Variants in DLG2 observed in about 807,000 individuals in gnomAD.
DLG2 encodes disks large homolog 2.
A neutral mutation model predicts 132.5 loss-of-function variants in DLG2; 45 were observed. That is an observed-to-expected ratio of 0.34 (90% CI 0.27 to 0.44). The LOEUF (loss-of-function observed/expected upper bound fraction) is 0.44, where lower values mean the gene tolerates loss of function less well. Among genes scored for constraint, DLG2 ranks in the 20% least tolerant of loss-of-function variants. The pLI, the probability that DLG2 is intolerant of heterozygous loss-of-function variation, is 1.00. For synonymous variants in DLG2, 424 were observed against 419.6 expected, an observed-to-expected ratio of 1.01 and a Z score of -0.13; for missense variants, 1,045 against 1,196.9, an observed-to-expected ratio of 0.87 and a Z score of 1.87.
At chr11:84,052,388 T>G (rs1213599476) in intron 11 of DLG2, among the ~76,000 whole-genome samples, 2 of 151,878 alleles carry the variant, frequency 1.3e-5, no homozygotes, top group Non-Finnish European at 2.9e-5. Context: ...GTCAATTCAT[T>G]AATTCAACAA....
intron 18 of DLG2, among the ~76,000 whole-genome samples, chr11:83,736,597 CAG>C (rs1474208704): frequency 6.6e-6 from 1 of 152,144 alleles, no homozygotes; most frequent in African/African-American, 2.4e-5. Flanking sequence ...ATAAATAAAA[CAG>C]AGGCCAAAAC....
At chr11:84,434,039 G>C (rs1013740218) in intron 7 of DLG2, among the ~76,000 whole-genome samples, 1 of 150,496 alleles carries the variant, frequency 6.6e-6, no homozygotes, top group African/African-American at 2.5e-5. Flanking sequence ...GATCACCTGA[G>C]TCTGGAGAGG....
At chr11:85,538,756 T>A (rs2075774680) in intron 3 of DLG2, among the ~76,000 whole-genome samples, 1 of 151,738 alleles carries the variant, frequency 6.6e-6, no homozygotes, top group African/African-American at 2.4e-5. Flanking sequence ...AACCAAATAC[T>A]GCATGTTCTC....
At chr11:83,817,196 G>C (rs1381549484) in intron 17 of DLG2, among the ~76,000 whole-genome samples, 5 of 152,184 alleles carry the variant, frequency 3.3e-5, no homozygotes, top group Non-Finnish European at 7.3e-5. Context: ...GCTGTCATAG[G>C]AAGAGTATGG....
chr11:84,714,940 T>C (rs556450651), intron 6 of DLG2, among the ~76,000 whole-genome samples: 1 of 152,162 alleles, frequency 6.6e-6, no homozygotes, highest in East Asian at 1.9e-4. Flanking sequence ...TTTTCTTCCA[T>C]TTTAACCTTC....
At chr11:84,251,357 T>G (rs1043904179) in intron 7 of DLG2, 66 bp from the exon 8 acceptor site, 36 of 1,233,128 alleles carry the variant, frequency 2.9e-5, no homozygotes, top group Non-Finnish European at 3.9e-5. Flanking sequence ...TTATTTCTGT[T>G]AACTTATTTA....
chr11:84,784,307 C>T (rs1048292750), intron 6 of DLG2, among the ~76,000 whole-genome samples: 6 of 142,420 alleles, frequency 4.2e-5, no homozygotes, highest in African/African-American at 1.3e-4. Flanking sequence ...GCAACAAGAG[C>T]GAAACTCCAC....
chr11:83,593,771 G>A (rs916485621), intron 19 of DLG2, among the ~76,000 whole-genome samples: 26 of 146,222 alleles, frequency 1.8e-4, no homozygotes, highest in African/African-American at 4.8e-4. Context: ...GTAAAAACAC[G>A]AACATAAAAT....
intron 6 of DLG2, among the ~76,000 whole-genome samples, chr11:84,920,616 T>G (rs567418601): frequency 4.0e-4 from 61 of 152,296 alleles, no homozygotes; most frequent in African/African-American, 1.4e-3. Context: ...TTTCCAAGAC[T>G]CTAACATAGT....
intron 6 of DLG2, among the ~76,000 whole-genome samples, chr11:84,542,923 C>CCTTTAATAAGA (rs1555018216): frequency 6.7e-6 from 1 of 150,056 alleles, no homozygotes; most frequent in Admixed American, 6.6e-5. Context: ...TTAGGGATTT[C>CCTTTAATAAGA]TGCAGTCTGT....
rs192706652 is a variant in DLG2, at chr11:84,712,110, A to G, written c.358-177379T>C. Among the ~76,000 whole-genome samples the G allele has an allele frequency of 2.3e-3, 346 of 152,228 alleles. 2 individuals carry two copies. The highest frequency in any genetic ancestry group is 2.0e-3 in the Non-Finnish European group (138 of 67,984). On this transcript the variant is annotated intron_variant, in intron 6 of 27. Coordinates refer to ENST00000376104, the MANE Select transcript of DLG2 (RefSeq NM_001142699.3). ...AAAAGATACTGGGAATGATTTCACC[A>G]TATGTACTTTATTTAAAACTTTCCC...
intron 16 of DLG2, among the ~76,000 whole-genome samples, chr11:83,852,834 G>A (rs1258784222): frequency 6.6e-6 from 1 of 152,158 alleles, no homozygotes; most frequent in Admixed American, 6.5e-5. Flanking sequence ...AAGAGGAAGA[G>A]CATTGCTTCC....
chr11:85,133,745 C>A (rs1162699872), intron 5 of DLG2, among the ~76,000 whole-genome samples: 1 of 152,134 alleles, frequency 6.6e-6, no homozygotes, highest in Non-Finnish European at 1.5e-5. Context: ...TCCCTCCTCA[C>A]TTGCTGTCTG....
At chr11:84,278,919 C>T (rs991448386) in intron 7 of DLG2, among the ~76,000 whole-genome samples, 7 of 151,824 alleles carry the variant, frequency 4.6e-5, no homozygotes, top group African/African-American at 1.7e-4. Context: ...AACCCATCAA[C>T]CCGTCACAAA....
Position 84,692,505 on chromosome 11 carries a change from C to T in DLG2, c.358-157774G>A, listed in dbSNP as rs546436093. Among the ~76,000 whole-genome samples the T allele has an allele frequency of 2.6e-5, 4 of 151,704 alleles. No homozygotes were observed. In the East Asian group the frequency reaches 7.8e-4, roughly 29 times the overall value. ...TCTCCCAGTTTATACCAGGTATATT[C>T]CTCTAGATTTTCATTTAGGTTGAAA... is the stretch of plus-strand genomic sequence containing the variant. On this transcript the variant is annotated intron_variant, in intron 6 of 27. Transcript: ENST00000376104.
intron 19 of DLG2, among the ~76,000 whole-genome samples, chr11:83,574,475 G>T (rs917766091): frequency 1.3e-5 from 2 of 152,106 alleles, no homozygotes; most frequent in Non-Finnish European, 2.9e-5. Context: ...GTCATTTTCT[G>T]ATTTAAAAAG....
intron 6 of DLG2, among the ~76,000 whole-genome samples, chr11:84,827,096 G>A (rs150249882): frequency 9.4e-4 from 143 of 151,750 alleles, no homozygotes; most frequent in African/African-American, 3.3e-3. Flanking sequence ...TAATAATACC[G>A]CAGAGCACAG....
chr11:84,209,429 A>G (rs2096721230), intron 8 of DLG2, among the ~76,000 whole-genome samples: 1 of 152,196 alleles, frequency 6.6e-6, no homozygotes, highest in Non-Finnish European at 1.5e-5. Context: ...GTTAATAGGA[A>G]CACTGGTGGA....
intron 20 of DLG2, among the ~76,000 whole-genome samples, chr11:83,540,211 C>T (rs1052936160): frequency 1.3e-5 from 2 of 152,124 alleles, no homozygotes; most frequent in African/African-American, 4.8e-5. Flanking sequence ...TCAAAGCAAA[C>T]CAAAATGCAC....
Sources: gnomAD v4.1 joint callset for allele counts (sites outside exome capture counted in the v4.1 genomes callset) on GRCh38, gnomAD v4.1.1 for gene constraint, MANE v1.5 for transcripts, NCBI Gene and HGNC (gene_info 2026-07-23, HGNC 2026-07-21) for gene names.